EEF1G: variants seen among roughly 807,000 people sequenced by gnomAD.
EEF1G encodes elongation factor 1-gamma.
A neutral mutation model predicts 58.3 loss-of-function variants in EEF1G; 14 were observed. The observed-to-expected ratio is 0.24, with a 90% confidence interval of 0.16 to 0.38. EEF1G has a LOEUF of 0.38. Ranked by LOEUF, EEF1G falls within the 10% of genes least tolerant of loss-of-function variation. The pLI, the probability that EEF1G is intolerant of heterozygous loss-of-function variation, is 1.00. For synonymous variants in EEF1G, 180 were observed against 206.8 expected (o/e 0.87, Z 1.11); for missense variants, 322 against 550.1 (o/e 0.59, Z 4.15).
intron 7 of EEF1G, 137 bp from the exon 8 acceptor site, chr11:62,560,591 G>A: frequency 1.0e-6 from 1 of 992,876 alleles, no homozygotes; most frequent in Non-Finnish European, 1.5e-6. Context: ...ATGACCTTAT[G>A]AGGGAAGTAA....
rs1310864755 is a variant in EEF1G, at chr11:62,571,729, A to C, written c.236-47T>G. 2.5e-6 allele frequency: 4 copies of C among 1,572,174 alleles called. No individual in the cohort carries two copies. In the East Asian group the frequency reaches 9.4e-5, roughly 37 times the overall value. On this transcript the variant is annotated intron_variant, in intron 3 of 9. Transcript: ENST00000329251. Reference sequence around the variant, plus strand: ...GTCAGAACTCTGGGGGAATGCCAACACCAGTCCAGGTCCTGGAGAATTCCT... The same window carrying C: ...GTCAGAACTCTGGGGGAATGCCAACCCCAGTCCAGGTCCTGGAGAATTCCT...
Position 62,560,189 on chromosome 11 carries a change from C to T in EEF1G, c.1035G>A (p.Met345Ile). Residue 345 changes from methionine (M) to isoleucine (I), a missense_variant, in exon 9 of 10, where the codon ATG (methionine) becomes ATA (isoleucine). Met to Ile is a conservative substitution (Grantham distance 10). This residue lies in a region of EEF1G where 208 missense variants were observed against 323.7 expected (regional missense o/e 0.64). Transcript: ENST00000329251. ...TFMSCNLITG[M>I]FQRLDKLRKN... ...TCCTCAGCTTGTCCAGTCGCTGGAA[C>T]ATTCCTGAAGCGGCAAGGGAGAACA... The T allele has an allele frequency of 1.2e-6, 2 of 1,614,040 alleles. No homozygotes were observed. Among genetic ancestry groups the T allele is most frequent in the Non-Finnish European group, 1.7e-6 (2 of 1,179,904 alleles).
At position 62,559,876 on chromosome 11, in the gene EEF1G, C is replaced by T. The variant is rs370275839; in HGVS notation, c.1156-39G>A. ...GCCAGCATGTGGTCAAGTTATGAGACACCACCCCACACCTGTGTTACTTCC... is the reference window on the plus strand; with the variant it reads ...GCCAGCATGTGGTCAAGTTATGAGATACCACCCCACACCTGTGTTACTTCC... On this transcript the variant is annotated intron_variant, in intron 9 of 9. Transcript: ENST00000329251. The T allele has an allele frequency of 1.9e-6, 3 of 1,613,542 alleles. No individual in the cohort carries two copies. In the African/African-American group the frequency reaches 4.0e-5, roughly 22 times the overall value.
chr11:62,562,946 T>C (rs577282200), intron 7 of EEF1G, among the ~76,000 whole-genome samples: 1 of 151,922 alleles, frequency 6.6e-6, no homozygotes, highest in Admixed American at 6.5e-5. Flanking sequence ...TACAAAAAAA[T>C]TTAAAAATTA....
intron 6 of EEF1G, 184 bp downstream of exon 6, chr11:62,567,215 T>C (rs1941567494): frequency 5.3e-6 from 5 of 935,396 alleles, no homozygotes; most frequent in South Asian, 1.7e-5. Context: ...CAAATCTATA[T>C]AGTAATACAA....
chr11:62,569,305 T>C (rs930804911), intron 5 of EEF1G, among the ~76,000 whole-genome samples: 93 of 152,020 alleles, frequency 6.1e-4, no homozygotes, highest in African/African-American at 2.2e-3. Context: ...CAAAACCCCA[T>C]CTCTGCTAAA....
At chr11:62,559,906 CA>C in intron 9 of EEF1G, 69 bp from the exon 10 acceptor site, 1 of 1,610,806 alleles carries the variant, frequency 6.2e-7, no homozygotes, top group Non-Finnish European at 8.5e-7. Context: ...ACTTCCAGCT[CA>C]AACACATGTC....
Position 62,566,900 on chromosome 11 carries a change from C to T in EEF1G, c.763G>A (p.Ala255Thr). The change falls in exon 7 of 10, where the codon GCT becomes ACT. Residue 255 changes from alanine to threonine, a missense_variant. Around this residue, in one of 3 missense-constraint regions of EEF1G, gnomAD observed 208 missense variants for 323.7 expected, o/e 0.64. Transcript: ENST00000329251. ...ATCTCCTCCTCAGGAGCAGGGGCAG[C>T]CGCCTTTTTCTCCTCCTTCCGCTCA... Reference protein sequence around the residue: ...QAERKEEKKAAAPAPEEEMDE... With the variant: ...QAERKEEKKATAPAPEEEMDE... 2 of 1,613,756 alleles carry T rather than the reference C, an allele frequency of 1.2e-6. No homozygotes were observed.
At chr11:62,573,744 A>G in intron 1 of EEF1G, 87 bp downstream of exon 1, 1 of 1,585,654 alleles carries the variant, frequency 6.3e-7, no homozygotes, top group Non-Finnish European at 8.6e-7. Flanking sequence ...ACTCAACCTC[A>G]GAACTCCTCT....
chr11:62,567,559 A>C (rs946252182), intron 5 of EEF1G, 31 bp from the exon 6 acceptor site: 5 of 1,557,370 alleles, frequency 3.2e-6, no homozygotes, highest in Non-Finnish European at 4.3e-6. Context: ...AAACAAAGTC[A>C]GTGGAAAGGC....
chr11:62,573,607 C>A, intron 1 of EEF1G: 1 of 647,050 alleles, frequency 1.5e-6, no homozygotes, highest in Non-Finnish European at 2.7e-6. Flanking sequence ...GACCCGGCAT[C>A]TCTTTTCTCC....
intron 5 of EEF1G, among the ~76,000 whole-genome samples, chr11:62,569,679 C>T (rs996173760): frequency 1.1e-4 from 17 of 152,178 alleles, no homozygotes; most frequent in African/African-American, 4.1e-4. Flanking sequence ...GTCATGGAAA[C>T]AGAACACAGC....
chr11:62,564,698 G>C (rs1941535439), intron 7 of EEF1G, among the ~76,000 whole-genome samples: 1 of 140,726 alleles, frequency 7.1e-6, no homozygotes, highest in African/African-American at 2.7e-5. Flanking sequence ...GGTGGAGGTT[G>C]CAGTGAGCCA....
In EEF1G at chr11:62,571,429, T is replaced by C. The variant is rs566577475; in HGVS notation, c.378+111A>G. The C allele has an allele frequency of 1.8e-5, 26 of 1,434,372 alleles. No individual in the cohort carries two copies. In the African/African-American group the frequency reaches 3.3e-4, roughly 18 times the overall value. The allele number at this position is 1,434,372 out of a possible 1,614,324, so 88.9% of individuals were successfully genotyped here. A position where few individuals can be genotyped will look rare whatever the true frequency, so the allele number is the denominator to read the frequency against. On this transcript the variant is annotated intron_variant, in intron 4 of 9. Transcript: ENST00000329251. ...TACCCTAGAGATTACGTCTTCTCAT[T>C]GCCTACATATCCTTGGCATCTTTTT...
At chr11:62,567,129 T>C in intron 6 of EEF1G, 119 bp from the exon 7 acceptor site, 1 of 1,151,042 alleles carries the variant, frequency 8.7e-7, no homozygotes, top group Non-Finnish European at 1.3e-6. Context: ...AGTAAGGAAC[T>C]TAGGCCCCAG....
chr11:62,566,220 AC>A (rs1478749839), intron 7 of EEF1G, among the ~76,000 whole-genome samples: 1 of 152,102 alleles, frequency 6.6e-6, no homozygotes, highest in Non-Finnish European at 1.5e-5. Context: ...CCTACCTTTA[AC>A]TGAAAAAGGG....
intron 2 of EEF1G, among the ~76,000 whole-genome samples, chr11:62,572,177 CCTGTATCAATGT>C (rs1283201721): frequency 1.3e-5 from 2 of 151,978 alleles, no homozygotes. Context: ...AAAAGCAACT[CCTGTATCAATGT>C]CTGTATCAGT....
rs765901202 is a variant in EEF1G, at chr11:62,560,030, C to G, written c.1155+39G>C. The G allele has an allele frequency of 3.7e-6, 6 of 1,613,050 alleles. No homozygotes were observed. The East Asian group carries it at 1.1e-4, about 30-fold the overall frequency. Reference sequence around the variant, plus strand: ...AAACACAGTGCTTCTTATATCCCTGCCCCACCCTAAAGAGACTCCTCTCCT... The same window carrying G: ...AAACACAGTGCTTCTTATATCCCTGGCCCACCCTAAAGAGACTCCTCTCCT... On this transcript the variant is annotated intron_variant, in intron 9 of 9. Transcript: ENST00000329251.
intron 4 of EEF1G, 92 bp from the exon 5 acceptor site, chr11:62,571,200 T>C: frequency 6.4e-7 from 1 of 1,574,436 alleles, no homozygotes; most frequent in South Asian, 1.1e-5. Context: ...TATTTTCACC[T>C]AGAAGTCTGA....
Sources: gnomAD v4.1 joint callset for allele counts (sites outside exome capture counted in the v4.1 genomes callset) on GRCh38, gnomAD v4.1.1 for gene constraint, gnomAD v4.1.1 regional missense constraint, MANE v1.5 for transcripts, NCBI Gene and HGNC (gene_info 2026-07-23, HGNC 2026-07-21) for gene names.